The following SHISA6 variants were observed in gnomAD, a reference collection of about 807,000 sequenced individuals.
SHISA6 encodes the protein shisa family member 6, also known as protein shisa-6.
SHISA6 carries 22 observed loss-of-function variants against 47.9 expected under a neutral mutation model. The ratio of observed to expected loss-of-function variants is 0.46; its 90% confidence interval spans 0.33 to 0.66. The LOEUF (loss-of-function observed/expected upper bound fraction) is 0.66, where lower values mean the gene tolerates loss of function less well. Among genes scored for constraint, SHISA6 ranks in the 30% least tolerant of loss-of-function variants. SHISA6 has a pLI of 0.02. For synonymous variants in SHISA6, 388 were observed against 337.8 expected (o/e 1.15, Z -1.63); for missense variants, 680 against 764.6 (o/e 0.89, Z 1.30).
Position 11,563,179 on chromosome 17 carries a change from T to G in SHISA6, c.*4875T>G, listed in dbSNP as rs1238988184. The G allele has an allele frequency of 3.3e-5, 5 of 152,216 alleles. No homozygotes were observed. Among genetic ancestry groups the G allele is most frequent in the Admixed American group, 3.3e-4 (5 of 15,280 alleles). The allele number at this position is 152,216 out of a possible 1,614,324, so 9.4% of individuals were successfully genotyped here. A position where few individuals can be genotyped will look rare whatever the true frequency, so the allele number is the denominator to read the frequency against. ...TTGTACTTGAGGGCAGCTGGGAAAT[T>G]CATTTCAAGCTGCAGAGGAACGTGT... On this transcript the variant is annotated 3_prime_UTR_variant, in exon 6 of 6. Coordinates refer to ENST00000441885, the MANE Select transcript of SHISA6 (RefSeq NM_207386.4).
At chr17:11,356,166 T>C (rs1298297794) in intron 2 of SHISA6, among the ~76,000 whole-genome samples, 1 of 152,218 alleles carries the variant, frequency 6.6e-6, no homozygotes, top group Non-Finnish European at 1.5e-5. Context: ...ATTAGCTTAA[T>C]GAGCAAACCA....
chr17:11,402,090 ATGTT>A (rs1913793802), intron 3 of SHISA6, among the ~76,000 whole-genome samples: 1 of 152,138 alleles, frequency 6.6e-6, no homozygotes, highest in African/African-American at 2.4e-5. Flanking sequence ...GGGGTGGAGA[ATGTT>A]TGTGATTAGG....
intron 2 of SHISA6, among the ~76,000 whole-genome samples, chr17:11,273,167 G>A (rs1398508595): frequency 6.6e-6 from 1 of 152,188 alleles, no homozygotes; most frequent in African/African-American, 2.4e-5. Context: ...GGTTCAATGG[G>A]GATTAGAAGC....
intron 5 of SHISA6, among the ~76,000 whole-genome samples, chr17:11,556,726 G>A (rs1449118559): frequency 3.3e-5 from 5 of 152,260 alleles, no homozygotes; most frequent in East Asian, 1.9e-4. Context: ...GAATCATCCC[G>A]AGGTGATGAA....
At chr17:11,370,831 G>A (rs1446155873) in intron 2 of SHISA6, among the ~76,000 whole-genome samples, 1 of 152,116 alleles carries the variant, frequency 6.6e-6, no homozygotes, top group Non-Finnish European at 1.5e-5. Flanking sequence ...GTCCCTGAAT[G>A]GTTCTGACAA....
At chr17:11,333,490 C>T (rs933779209) in intron 2 of SHISA6, among the ~76,000 whole-genome samples, 1 of 151,890 alleles carries the variant, frequency 6.6e-6, no homozygotes, top group African/African-American at 2.4e-5. Context: ...ACTCTATGTT[C>T]TTCTTCTTCT....
intron 1 of SHISA6, among the ~76,000 whole-genome samples, chr17:11,242,729 T>C (rs1907417791): frequency 6.6e-6 from 1 of 152,202 alleles, no homozygotes. Flanking sequence ...TACTCGCCTG[T>C]GTTAAACCTG....
intron 2 of SHISA6, among the ~76,000 whole-genome samples, chr17:11,348,999 A>C (rs1911786659): frequency 6.6e-6 from 1 of 152,188 alleles, no homozygotes; most frequent in South Asian, 2.1e-4. Context: ...TAGCTCCTAC[A>C]GCTTTGGGGG....
intron 3 of SHISA6, among the ~76,000 whole-genome samples, chr17:11,488,277 A>G (rs1916399661): frequency 6.6e-6 from 1 of 152,146 alleles, no homozygotes; most frequent in African/African-American, 2.4e-5. Context: ...CAGAATCATC[A>G]CACTCACTGG....
At chr17:11,432,159 G>A (rs907133135) in intron 3 of SHISA6, among the ~76,000 whole-genome samples, 5 of 152,214 alleles carry the variant, frequency 3.3e-5, no homozygotes, top group Non-Finnish European at 7.3e-5. Flanking sequence ...GATGGTGGTG[G>A]AAGAATGGTT....
chr17:11,358,491 C>G (rs989639716), intron 2 of SHISA6, among the ~76,000 whole-genome samples: 4 of 151,702 alleles, frequency 2.6e-5, no homozygotes, highest in African/African-American at 9.7e-5. Flanking sequence ...TCCCGAGTAG[C>G]TGGGACTACA....
At chr17:11,326,268 CAAA>C (rs35905275) in intron 2 of SHISA6, among the ~76,000 whole-genome samples, 10 of 109,202 alleles carry the variant, frequency 9.2e-5, no homozygotes, top group Non-Finnish European at 1.0e-4. Flanking sequence ...GAGACTCCAT[CAAA>C]AAAAAAAAAA....
At chr17:11,280,927 A>G (rs558615614) in intron 2 of SHISA6, among the ~76,000 whole-genome samples, 7 of 152,382 alleles carry the variant, frequency 4.6e-5, no homozygotes, top group African/African-American at 1.4e-4. Context: ...TTACATTCGC[A>G]TTCATAATCA....
chr17:11,277,363 C>T (rs1908962605), intron 2 of SHISA6, among the ~76,000 whole-genome samples: 1 of 149,440 alleles, frequency 6.7e-6, no homozygotes, highest in Non-Finnish European at 1.5e-5. Context: ...GAGATCTAGA[C>T]CTGAGTGTAG....
chr17:11,280,932 T>C (rs1480634895), intron 2 of SHISA6, among the ~76,000 whole-genome samples: 2 of 152,260 alleles, frequency 1.3e-5, no homozygotes, highest in African/African-American at 4.8e-5. Flanking sequence ...TTCGCATTCA[T>C]AATCACCTTC....
intron 3 of SHISA6, among the ~76,000 whole-genome samples, chr17:11,472,826 C>T (rs1438136577): frequency 6.6e-5 from 10 of 152,340 alleles, no homozygotes; most frequent in Admixed American, 5.2e-4. Context: ...CACATCTTCA[C>T]CAGCATTTGG....
intron 3 of SHISA6, among the ~76,000 whole-genome samples, chr17:11,474,427 AATTT>A (rs1893637181): frequency 1.5e-5 from 2 of 136,042 alleles, no homozygotes; most frequent in African/African-American, 5.7e-5. Context: ...TTTTCTTGTA[AATTT>A]ATTTAAGTTC....
chr17:11,521,682 A>C (rs926132908), intron 3 of SHISA6, among the ~76,000 whole-genome samples: 6 of 152,124 alleles, frequency 3.9e-5, no homozygotes, highest in African/African-American at 1.4e-4. Context: ...ACGCACCTGT[A>C]GTCCCAGCTA....
chr17:11,516,263 C>A (rs75721474), intron 3 of SHISA6, among the ~76,000 whole-genome samples: 2 of 152,158 alleles, frequency 1.3e-5, no homozygotes, highest in Non-Finnish European at 2.9e-5. Flanking sequence ...CCCTGCCTAA[C>A]CGTTGGGGGC....
Sources: gnomAD v4.1 joint callset for allele counts (sites outside exome capture counted in the v4.1 genomes callset) on GRCh38, gnomAD v4.1.1 for gene constraint, MANE v1.5 for transcripts, NCBI Gene and HGNC (gene_info 2026-07-23, HGNC 2026-07-21) for gene names.